Variants in PCDH9 observed in about 807,000 individuals in gnomAD.
PCDH9 encodes the protein protocadherin 9.
A neutral mutation model predicts 70.6 loss-of-function variants in PCDH9; 24 were observed. The ratio of observed to expected loss-of-function variants is 0.34; its 90% confidence interval spans 0.25 to 0.48. The LOEUF is 0.48. Among genes scored for constraint, PCDH9 ranks in the 20% least tolerant of loss-of-function variants. The pLI, the probability that PCDH9 is intolerant of heterozygous loss-of-function variation, is 0.99. For missense variants in PCDH9, 1,281 were observed against 1,503.6 expected, an observed-to-expected ratio of 0.85 and a Z score of 2.45; for synonymous variants, 562 against 558.5, an observed-to-expected ratio of 1.01 and a Z score of -0.09.
At chr13:66,898,218 T>A (rs1445623373) in intron 3 of PCDH9, among the ~76,000 whole-genome samples, 2 of 152,086 alleles carry the variant, frequency 1.3e-5, no homozygotes, top group African/African-American at 4.8e-5. Context: ...ACAATTTAAA[T>A]ATTTTAATAT....
At chr13:66,434,258 A>G (rs544258096) in intron 4 of PCDH9, among the ~76,000 whole-genome samples, 3 of 151,940 alleles carry the variant, frequency 2.0e-5, no homozygotes, top group Non-Finnish European at 4.4e-5. Flanking sequence ...TAACTTACAA[A>G]CAAAAACCAG....
chr13:67,079,200 G>T (rs1432123760), intron 2 of PCDH9, among the ~76,000 whole-genome samples: 1 of 151,896 alleles, frequency 6.6e-6, no homozygotes, highest in Non-Finnish European at 1.5e-5. Flanking sequence ...ACATGGAATG[G>T]AGGATTTTTG....
chr13:66,426,048 C>T (rs542969074), intron 4 of PCDH9, among the ~76,000 whole-genome samples: 8 of 151,308 alleles, frequency 5.3e-5, no homozygotes, highest in African/African-American at 1.7e-4. Flanking sequence ...TGGTAGAAGC[C>T]GATAGGTACT....
intron 4 of PCDH9, among the ~76,000 whole-genome samples, chr13:66,494,533 C>T (rs980636089): frequency 2.0e-5 from 3 of 152,054 alleles, no homozygotes; most frequent in African/African-American, 7.2e-5. Flanking sequence ...TCAGACTTAC[C>T]TAAGTTAATT....
intron 4 of PCDH9, among the ~76,000 whole-genome samples, chr13:66,619,410 A>C (rs1487077675): frequency 6.6e-6 from 1 of 152,162 alleles, no homozygotes; most frequent in Non-Finnish European, 1.5e-5. Flanking sequence ...TTTTAAAATA[A>C]AACTTTTAGA....
chr13:67,005,998 G>A (rs760203655), intron 2 of PCDH9, among the ~76,000 whole-genome samples: 3 of 152,252 alleles, frequency 2.0e-5, no homozygotes, highest in South Asian at 2.1e-4. Context: ...AGGCCAAGGC[G>A]GGCAGATCAC....
intron 2 of PCDH9, among the ~76,000 whole-genome samples, chr13:67,155,584 TAA>T (rs2087789348): frequency 1.3e-5 from 2 of 152,188 alleles, no homozygotes; most frequent in African/African-American, 4.8e-5. Context: ...CGTGATTTTT[TAA>T]AAGTTATCCT....
At chr13:66,872,663 G>C (rs1366632335) in intron 3 of PCDH9, among the ~76,000 whole-genome samples, 1 of 151,894 alleles carries the variant, frequency 6.6e-6, no homozygotes, top group East Asian at 1.9e-4. Context: ...GAGAACAATT[G>C]AATGCAAAAC....
At chr13:66,337,691 T>A (rs1360732) in intron 4 of PCDH9, among the ~76,000 whole-genome samples, 90,180 of 151,896 alleles carry the variant, frequency 0.59, 27,645 homozygotes, top group Non-Finnish European at 0.69. Context: ...GACAAGGACA[T>A]CTTAAGTAAT....
chr13:67,118,886 C>G (rs555757869), intron 2 of PCDH9, among the ~76,000 whole-genome samples: 36 of 152,232 alleles, frequency 2.4e-4, no homozygotes, highest in Non-Finnish European at 4.9e-4. Flanking sequence ...AAATGTAGAA[C>G]AAGTAACTCA....
intron 2 of PCDH9, among the ~76,000 whole-genome samples, chr13:67,144,758 A>G (rs1247970217): frequency 6.6e-6 from 1 of 152,172 alleles, no homozygotes; most frequent in East Asian, 1.9e-4. Flanking sequence ...AGTATGGTAT[A>G]CATTAAGGAG....
At chr13:66,589,105 T>C (rs1344149450) in intron 4 of PCDH9, among the ~76,000 whole-genome samples, 1 of 152,066 alleles carries the variant, frequency 6.6e-6, no homozygotes, top group Non-Finnish European at 1.5e-5. Context: ...AAATTAAATA[T>C]GTCCTATTCT....
chr13:66,448,283 T>C (rs1958137045), intron 4 of PCDH9, among the ~76,000 whole-genome samples: 1 of 152,220 alleles, frequency 6.6e-6, no homozygotes, highest in African/African-American at 2.4e-5. Flanking sequence ...GTACCCGACA[T>C]ACATCCCCAG....
At chr13:66,914,610 ATAC>A (rs1435587292) in intron 2 of PCDH9, 3 of 151,856 alleles carry the variant, frequency 2.0e-5, no homozygotes, top group African/African-American at 7.2e-5. Context: ...AAATCATAAA[ATAC>A]TATGTGATTG....
intron 3 of PCDH9, among the ~76,000 whole-genome samples, chr13:66,846,871 C>T (rs375512321): frequency 2.8e-4 from 38 of 137,118 alleles, no homozygotes; most frequent in African/African-American, 9.4e-4. Context: ...CAATCTCTCT[C>T]CCTTTCTCAT....
chr13:66,613,557 C>A (rs2077319381), intron 4 of PCDH9, among the ~76,000 whole-genome samples: 1 of 152,146 alleles, frequency 6.6e-6, no homozygotes, highest in African/African-American at 2.4e-5. Context: ...GTGTGGCAAG[C>A]CTCCATCTTG....
chr13:67,064,893 TA>T (rs1324677998), intron 2 of PCDH9, among the ~76,000 whole-genome samples: 2 of 67,812 alleles, frequency 2.9e-5, no homozygotes, highest in Non-Finnish European at 6.1e-5. Context: ...TGTGTGGAAA[TA>T]GATAGATAGA....
At chr13:66,649,026 G>T (rs1002372616) in intron 3 of PCDH9, among the ~76,000 whole-genome samples, 3 of 151,860 alleles carry the variant, frequency 2.0e-5, no homozygotes, top group Non-Finnish European at 4.4e-5. Context: ...GACAAAAAAC[G>T]AATGAATAAA....
At chr13:66,812,392 T>A (rs904100758) in intron 3 of PCDH9, among the ~76,000 whole-genome samples, 1 of 152,086 alleles carries the variant, frequency 6.6e-6, no homozygotes, top group Non-Finnish European at 1.5e-5. Flanking sequence ...TCCAACCAAA[T>A]CTTATTGGGC....
Sources: allele counts gnomAD v4.1 joint callset (sites outside exome capture counted in the v4.1 genomes callset), GRCh38; gene constraint gnomAD v4.1.1; transcripts MANE v1.5; gene names NCBI Gene and HGNC (gene_info 2026-07-23, HGNC 2026-07-21).